SPTBN4: variants seen among roughly 807,000 people sequenced by gnomAD.
SPTBN4 encodes spectrin beta, non-erythrocytic 4, also known as spectrin beta chain, non-erythrocytic 4.
A neutral mutation model predicts 277.8 loss-of-function variants in SPTBN4; 96 were observed. The ratio of observed to expected loss-of-function variants is 0.35; its 90% CI spans 0.29 to 0.41. The LOEUF is 0.41. Ranked by LOEUF, SPTBN4 falls within the 10% of genes least tolerant of loss-of-function variation. The pLI is 1.00. For missense variants in SPTBN4, 3,006 were observed against 3,595.7 expected (o/e 0.84, Z 4.19); for synonymous variants, 1,481 against 1,580.3 (o/e 0.94, Z 1.49).
chr19:40,572,247 G>A, intron 34 of SPTBN4, 55 bp downstream of exon 34: 1 of 1,602,014 alleles, frequency 6.2e-7, no homozygotes, highest in Non-Finnish European at 8.5e-7. Flanking sequence ...TCAACTCCCA[G>A]TGGGACCCTG....
chr19:40,524,542 A>C, intron 17 of SPTBN4: 1 of 453,436 alleles, frequency 2.2e-6, no homozygotes, highest in South Asian at 1.6e-5. Flanking sequence ...TTACTTCCCT[A>C]GATGCCTCAT....
At chr19:40,553,717 GTGTC>G (rs2080943940) in intron 22 of SPTBN4, among the ~76,000 whole-genome samples, 1 of 152,220 alleles carries the variant, frequency 6.6e-6, no homozygotes, top group African/African-American at 2.4e-5. Context: ...ACCGGTGTAT[GTGTC>G]TGTACAAATG....
chr19:40,500,844 C>CA (rs199928603), intron 7 of SPTBN4, among the ~76,000 whole-genome samples: 1,569 of 130,662 alleles, frequency 0.012, 16 homozygotes, highest in African/African-American at 0.016. Context: ...GAGACTGTCT[C>CA]AAAAAAAAAG....
intron 16 of SPTBN4, among the ~76,000 whole-genome samples, chr19:40,521,691 C>G (rs2080528764): frequency 6.6e-6 from 1 of 152,180 alleles, no homozygotes; most frequent in Admixed American, 6.5e-5. Flanking sequence ...TGGACTAGTA[C>G]CCCTCTGTGG....
chr19:40,519,628 A>G lies in SPTBN4; in HGVS notation c.3131A>G (p.Glu1044Gly). 7.0e-7 allele frequency: 1 copy of G among 1,435,182 alleles called. No individual in the cohort carries two copies. The highest frequency in any genetic ancestry group is 9.0e-7 in the Non-Finnish European group (1 of 1,106,582). The allele number at this position is 1,435,182 out of a possible 1,614,324, so 88.9% of individuals were successfully genotyped here. A position where few individuals can be genotyped will look rare whatever the true frequency, so the allele number is the denominator to read the frequency against. ...CCGCGCCAGGCGGCCCTTCTGGAGG[A>G]GGCAGCCCTGCTGGCTGAGCGCTTC... ...LEPRQAALLEEAALLAERFPA... is the reference protein window; with the variant it reads ...LEPRQAALLEGAALLAERFPA... The change falls in exon 16 of 36, where the codon GAG (glutamate) becomes GGG (glycine). Residue 1044 changes from glutamate to glycine, a missense_variant. Transcript: ENST00000598249. This position sits in a 1 kb window ranked among gnomAD's most constrained non-coding sequence, Gnocchi z 5.7.
At chr19:40,536,609 A>G (rs1330036636) in intron 20 of SPTBN4, among the ~76,000 whole-genome samples, 10 of 152,148 alleles carry the variant, frequency 6.6e-5, no homozygotes, top group Non-Finnish European at 1.0e-4. Context: ...ATCCTTAGAA[A>G]GCTTTGTCTG....
rs2081030102 is a variant in SPTBN4, at chr19:40,560,383, T to G, written c.5895T>G (p.Ile1965Met). 6 of 1,614,042 alleles carry G rather than the reference T, an allele frequency of 3.7e-6. No homozygotes were observed. The highest frequency in any genetic ancestry group is 8.5e-7 in the Non-Finnish European group (1 of 1,180,028). Residue 1965 changes from isoleucine to methionine, a missense_variant, in exon 27 of 36, where the codon ATT (isoleucine) becomes ATG (methionine). Coordinates refer to ENST00000598249, the MANE Select transcript of SPTBN4 (RefSeq NM_020971.3). The surrounding 1 kb of genome is among the most constrained non-coding windows in gnomAD (Gnocchi z 5.2). ...GGATGGATGGCATCGCCAGCCAGAT[T>G]GGGGCAGCCGACAAGCCCAGGTGCC... ...LSWMDGIASQ[I>M]GAADKPRDVS...
intron 30 of SPTBN4, among the ~76,000 whole-genome samples, chr19:40,566,631 A>G (rs2081094939): frequency 6.6e-6 from 1 of 152,054 alleles, no homozygotes; most frequent in Non-Finnish European, 1.5e-5. Context: ...GGGGGATTCT[A>G]TTCTGAGACT....
intron 2 of SPTBN4, among the ~76,000 whole-genome samples, chr19:40,476,897 T>TG (rs1940619629): frequency 6.6e-6 from 1 of 151,674 alleles, no homozygotes; most frequent in Non-Finnish European, 1.5e-5. Context: ...TGTTTTTAGT[T>TG]TTTGTTTGTT....
At chr19:40,505,728 AAGGAAG>A (rs2080320136) in intron 12 of SPTBN4, among the ~76,000 whole-genome samples, 1 of 150,812 alleles carries the variant, frequency 6.6e-6, no homozygotes, top group Non-Finnish European at 1.5e-5. Context: ...GGAAGGAAGG[AAGGAAG>A]GAAGGAAGGA....
rs1162573890 is a variant in SPTBN4, at chr19:40,513,334, G to C, written c.2545G>C (p.Val849Leu). The stretch of plus-strand genomic sequence containing the variant: ...GGGTGCCAGTGGCGCAGGGCCACTG[G>C]TGGTGGCGCTGCAGGTGCGCGTGGT... ...LGGASGAGPL[V>L]VALQVRVVEA... The change falls in exon 14 of 36, where the codon GTG becomes CTG. Residue 849 changes from valine (V) to leucine (L), a missense_variant. Physicochemically the swap from Val to Leu is conservative, Grantham distance 32. This residue lies in a region of SPTBN4 where 1,759 missense variants were observed against 2,061.5 expected (regional missense o/e 0.85). Transcript: ENST00000598249. 1 of 1,585,022 alleles carries C rather than the reference G, an allele frequency of 6.3e-7. No homozygotes were observed. Among genetic ancestry groups the C allele is most frequent in the African/African-American group, 1.3e-5 (1 of 74,848 alleles).
At chr19:40,504,649 A>G (rs2080303933) in intron 12 of SPTBN4, among the ~76,000 whole-genome samples, 1 of 151,462 alleles carries the variant, frequency 6.6e-6, no homozygotes, top group African/African-American at 2.4e-5. Flanking sequence ...AGCCTGGGCG[A>G]CAGAGCGAGA....
At chr19:40,503,035 A>T in intron 11 of SPTBN4, 102 bp downstream of exon 11, 1 of 1,407,742 alleles carries the variant, frequency 7.1e-7, no homozygotes, top group Non-Finnish European at 9.6e-7. Flanking sequence ...AACAGGGAAG[A>T]GTTAGATTAG....
At chr19:40,484,604 G>C (rs1387192246) in intron 2 of SPTBN4, among the ~76,000 whole-genome samples, 1 of 152,060 alleles carries the variant, frequency 6.6e-6, no homozygotes, top group South Asian at 2.1e-4. Flanking sequence ...AAAGAGGAAG[G>C]CCAGGCAGCA....
intron 17 of SPTBN4, among the ~76,000 whole-genome samples, chr19:40,525,515 A>G (rs562750280): frequency 2.0e-5 from 3 of 152,190 alleles, no homozygotes; most frequent in Non-Finnish European, 4.4e-5. Context: ...CACCTGCTGC[A>G]TGCCAGGCTC....
chr19:40,493,035 T>A lies in SPTBN4; in HGVS notation c.568T>A (p.Cys190Ser). Reference protein sequence around the residue: ...RSAKDALLLWCQMKTAGYPEV... With the variant: ...RSAKDALLLWSQMKTAGYPEV... Reference sequence around the variant, plus strand: ...AGCCAAGGATGCTCTGCTCTTGTGGTGTCAGATGAAGACAGCTGGGTAAGC... The same window carrying A: ...AGCCAAGGATGCTCTGCTCTTGTGGAGTCAGATGAAGACAGCTGGGTAAGC... The change falls in exon 5 of 36, where the codon TGT (cysteine) becomes AGT (serine). Residue 190 changes from cysteine to serine, a missense_variant. Cys to Ser is a moderately radical substitution (Grantham distance 112). This residue lies in a region of SPTBN4 where 114 missense variants were observed against 196.1 expected (regional missense o/e 0.58). Coordinates refer to ENST00000598249, the MANE Select transcript of SPTBN4 (RefSeq NM_020971.3). The A allele has an allele frequency of 6.2e-7, 1 of 1,614,058 alleles. No individual in the cohort carries two copies. The highest frequency in any genetic ancestry group is 8.5e-7 in the Non-Finnish European group (1 of 1,179,984).
At chr19:40,570,881 C>T (rs963153086) in intron 33 of SPTBN4, among the ~76,000 whole-genome samples, 153 bp downstream of exon 33, 1 of 141,160 alleles carries the variant, frequency 7.1e-6, no homozygotes, top group Non-Finnish European at 1.5e-5. Flanking sequence ...GTGGTGGTGG[C>T]TTAAATCAAG....
At chr19:40,562,529 CAAAAAAAAAAAA>C (rs35366889) in intron 27 of SPTBN4, among the ~76,000 whole-genome samples, 2 of 55,706 alleles carry the variant, frequency 3.6e-5, no homozygotes, top group Admixed American at 5.1e-4. Context: ...GACTCTGTGT[CAAAAAAAAAAAA>C]AAAAAAAAAA....
chr19:40,527,677 A>G (rs1210373933), intron 17 of SPTBN4, among the ~76,000 whole-genome samples: 4 of 152,208 alleles, frequency 2.6e-5, no homozygotes, highest in African/African-American at 9.6e-5. Flanking sequence ...CGAGAAGGGC[A>G]GTACAGTTAC....
Sources: gnomAD v4.1 joint callset for allele counts (sites outside exome capture counted in the v4.1 genomes callset) on GRCh38, gnomAD v4.1.1 for gene constraint, gnomAD v4.1.1 regional missense constraint, Gnocchi (gnomAD v3.1) non-coding constraint, MANE v1.5 for transcripts, NCBI Gene and HGNC (gene_info 2026-07-23, HGNC 2026-07-21) for gene names.